Variants in ATXN10 observed in about 807,000 individuals in gnomAD.
The protein encoded by ATXN10 is ataxin 10, also known as ataxin-10.
In ATXN10, 28 loss-of-function variants were observed where a neutral mutation model predicts 52.9. That is an observed-to-expected ratio of 0.53 (90% CI 0.39 to 0.73). ATXN10 has a LOEUF of 0.73. ATXN10 is among the 30% of genes least tolerant of loss of function. The probability of loss-of-function intolerance (pLI) is 0.00; values close to 1 mark genes in which losing one functional copy is unlikely to be tolerated. For synonymous variants in ATXN10, 226 were observed against 221.5 expected, an observed-to-expected ratio of 1.02 and a Z score of -0.18; for missense variants, 565 against 577.0, an observed-to-expected ratio of 0.98 and a Z score of 0.21.
intron 3 of ATXN10, among the ~76,000 whole-genome samples, chr22:45,699,233 T>G (rs1390036838): frequency 6.6e-6 from 1 of 152,178 alleles, no homozygotes; most frequent in Non-Finnish European, 1.5e-5. Context: ...GTTGATAAGC[T>G]GTTTGGTAAA....
At chr22:45,806,745 AT>A (rs886937787) in intron 9 of ATXN10, among the ~76,000 whole-genome samples, 9 of 151,164 alleles carry the variant, frequency 6.0e-5, no homozygotes, top group Non-Finnish European at 5.9e-5. Context: ...TTGCCCCAAT[AT>A]TTTTTTTTGA....
chr22:45,733,704 T>C lies in ATXN10; in HGVS notation c.894+4114T>C, dbSNP rs376650714. Among the ~76,000 whole-genome samples, 464 of 151,906 alleles carry C rather than the reference T, an allele frequency of 3.1e-3. 2 individuals carry two copies. Among genetic ancestry groups the C allele is most frequent in the South Asian group, 0.011 (51 of 4,818 alleles). ...CCGGGAGGCGGAGGTTGCTGTGAAC[T>C]GAGATTGTGCCATTGCACTTCAGCC... On this transcript the variant is annotated intron_variant, in intron 7 of 11. Transcript: ENST00000252934. The surrounding 1 kb of genome is among the most constrained non-coding windows in gnomAD (Gnocchi z 4.4).
chr22:45,722,270 T>C (rs771819963), intron 6 of ATXN10, among the ~76,000 whole-genome samples: 3 of 152,222 alleles, frequency 2.0e-5, no homozygotes, highest in Non-Finnish European at 4.4e-5. Context: ...TGTATTCTTT[T>C]ATATTTTCAA....
At position 45,786,341 on chromosome 22, in the gene ATXN10, T is replaced by C. The variant is rs1236751643; in HGVS notation, c.1174-20618T>C. Among the ~76,000 whole-genome samples, 1 of 152,238 alleles carries C rather than the reference T, an allele frequency of 6.6e-6. No homozygotes were observed. Among genetic ancestry groups the C allele is most frequent in the Non-Finnish European group, 1.5e-5 (1 of 68,040 alleles). ...TTTTGCCATAGAACTGTAGTATCAT[T>C]CTCTCTGGATTCCTTTCTTTTTGGA... On this transcript the variant is annotated intron_variant, in intron 9 of 11. Coordinates refer to ENST00000252934, the MANE Select transcript of ATXN10 (RefSeq NM_013236.4). This position sits in a 1 kb window ranked among gnomAD's most constrained non-coding sequence, Gnocchi z 4.1.
At chr22:45,686,676 G>A (rs1171777273) in intron 1 of ATXN10, among the ~76,000 whole-genome samples, 4 of 152,030 alleles carry the variant, frequency 2.6e-5, no homozygotes, top group African/African-American at 9.7e-5. Flanking sequence ...AAAATTAGCC[G>A]GGCGTGGTGG....
At chr22:45,831,174 A>T (rs1408149304) in intron 10 of ATXN10, among the ~76,000 whole-genome samples, 1 of 152,170 alleles carries the variant, frequency 6.6e-6, no homozygotes, top group Non-Finnish European at 1.5e-5. Flanking sequence ...CAGAAAGTAG[A>T]GTGCTTGCCA....
At chr22:45,768,205 A>G (rs1311412928) in intron 9 of ATXN10, among the ~76,000 whole-genome samples, 2 of 152,154 alleles carry the variant, frequency 1.3e-5, no homozygotes, top group African/African-American at 2.4e-5. Flanking sequence ...ATTTTTCTCT[A>G]TAAGGAACCA....
chr22:45,788,130 G>C (rs754155214), intron 9 of ATXN10, among the ~76,000 whole-genome samples: 1 of 152,146 alleles, frequency 6.6e-6, no homozygotes, highest in Non-Finnish European at 1.5e-5. Context: ...GTATGCAGAT[G>C]ACAGCAGAAT....
At chr22:45,689,653 G>A in intron 1 of ATXN10, 59 bp from the exon 2 acceptor site, 1 of 1,517,728 alleles carries the variant, frequency 6.6e-7, no homozygotes, top group Non-Finnish European at 9.1e-7. Flanking sequence ...TTTCTGAATA[G>A]GACATTTGGA....
At position 45,677,866 on chromosome 22, in the gene ATXN10, A is replaced by C. The variant is rs889336599; in HGVS notation, c.116+5687A>C. ...GAACCCTTGTGTGTTGCTAGTGGAC[A>C]TGTAAAGTGGTGCTGCTACTATGGA... is the stretch of plus-strand genomic sequence containing the variant. On this transcript the variant is annotated intron_variant, in intron 1 of 11. Transcript: ENST00000252934. This position sits in a 1 kb window ranked among gnomAD's most constrained non-coding sequence, Gnocchi z 4.1. The C allele has an allele frequency of 6.6e-6, 1 of 152,242 alleles. No homozygotes were observed. Among genetic ancestry groups the C allele is most frequent in the Non-Finnish European group, 1.5e-5 (1 of 68,044 alleles). 9.4% of individuals were successfully genotyped at this position (152,242 alleles called of 1,614,324 possible).
intron 5 of ATXN10, among the ~76,000 whole-genome samples, chr22:45,714,218 C>G (rs1474574220): frequency 2.6e-5 from 4 of 151,674 alleles, no homozygotes; most frequent in African/African-American, 9.7e-5. Flanking sequence ...GTTGGAGAAC[C>G]TTTTTTTTCT....
intron 7 of ATXN10, 170 bp from the exon 8 acceptor site, chr22:45,738,561 A>C: frequency 3.3e-6 from 2 of 611,316 alleles, no homozygotes; most frequent in South Asian, 4.1e-5. Flanking sequence ...AGTCGTGTAC[A>C]TATTTCATAC....
In ATXN10 at chr22:45,775,531, T is replaced by C. The variant is rs1926922053; in HGVS notation, c.1174-31428T>C. On this transcript the variant is annotated intron_variant, in intron 9 of 11. Transcript: ENST00000252934. The surrounding 1 kb of genome is among the most constrained non-coding windows in gnomAD (Gnocchi z 4.7). ...GTTCAGAAATAGTTATTCTGTAGTG[T>C]CTCAGTTTTATTAAAATGCAGTTAA... 6.6e-6 allele frequency among the ~76,000 whole-genome samples: 1 copy of C among 152,218 alleles called. No homozygotes were observed. Among genetic ancestry groups the C allele is most frequent in the Non-Finnish European group, 1.5e-5 (1 of 68,036 alleles).
intron 9 of ATXN10, among the ~76,000 whole-genome samples, chr22:45,746,263 C>T (rs1019753689): frequency 2.3e-4 from 34 of 149,752 alleles, no homozygotes; most frequent in African/African-American, 8.4e-4. Flanking sequence ...CTATTTTCCA[C>T]CCTTTTTGTA....
chr22:45,682,988 T>C (rs1185356611), intron 1 of ATXN10, among the ~76,000 whole-genome samples: 1 of 152,188 alleles, frequency 6.6e-6, no homozygotes, highest in Non-Finnish European at 1.5e-5. Context: ...AGAGATCCTT[T>C]TAACATGTAA....
At position 45,821,255 on chromosome 22, in the gene ATXN10, G is replaced by T. The variant is rs572094225; in HGVS notation, c.1237+14233G>T. 3.3e-5 allele frequency among the ~76,000 whole-genome samples: 5 copies of T among 151,332 alleles called. No homozygotes were observed. In the East Asian group the frequency reaches 9.8e-4, roughly 30 times the overall value. ...ACAATTACCAGGCATAGTGGCTCACGCCTCCCAGCTATTCAGGAGGCTGAG... is the reference window on the plus strand; with the variant it reads ...ACAATTACCAGGCATAGTGGCTCACTCCTCCCAGCTATTCAGGAGGCTGAG... On this transcript the variant is annotated intron_variant, in intron 10 of 11. Transcript: ENST00000252934.
chr22:45,831,319 C>G (rs561293631), intron 10 of ATXN10, among the ~76,000 whole-genome samples: 58 of 152,026 alleles, frequency 3.8e-4, no homozygotes, highest in African/African-American at 1.3e-3. Context: ...CCAATGTGTA[C>G]TCTTTAGTAT....
At chr22:45,777,960 T>C (rs1273967385) in intron 9 of ATXN10, among the ~76,000 whole-genome samples, 1 of 152,250 alleles carries the variant, frequency 6.6e-6, no homozygotes, top group Non-Finnish European at 1.5e-5. Flanking sequence ...CAGACTATGC[T>C]GTGGGCCTCT....
chr22:45,760,354 C>T (rs9614515), intron 9 of ATXN10, among the ~76,000 whole-genome samples: 6,996 of 152,166 alleles, frequency 0.046, 190 homozygotes, highest in Non-Finnish European at 0.06. Context: ...TATTCAACAT[C>T]GTTCCCTTTA....
Sources: allele counts gnomAD v4.1 joint callset (sites outside exome capture counted in the v4.1 genomes callset), GRCh38; gene constraint gnomAD v4.1.1; non-coding constraint Gnocchi (gnomAD v3.1); transcripts MANE v1.5; gene names NCBI Gene and HGNC (gene_info 2026-07-23, HGNC 2026-07-21).